The following PDGFC variants were observed in gnomAD, a reference collection of about 807,000 sequenced individuals.
PDGFC encodes platelet-derived growth factor C.
Under a neutral mutation model 35.5 loss-of-function variants are expected in PDGFC, and 12 were observed. The observed-to-expected ratio is 0.34, with a 90% CI of 0.22 to 0.55. PDGFC has a LOEUF of 0.55. Ranked by LOEUF, PDGFC falls within the 20% of genes least tolerant of loss-of-function variation. The pLI, the probability that PDGFC is intolerant of heterozygous loss-of-function variation, is 0.91. For synonymous variants in PDGFC, 159 were observed against 148.8 expected (o/e 1.07, Z -0.50); for missense variants, 322 against 412.4 (o/e 0.78, Z 1.90).
At chr4:156,923,059 T>A (rs1731324992) in intron 1 of PDGFC, among the ~76,000 whole-genome samples, 1 of 152,296 alleles carries the variant, frequency 6.6e-6, no homozygotes, top group South Asian at 2.1e-4. Context: ...TAAATCAGAT[T>A]GCTTTATTTC....
intron 2 of PDGFC, among the ~76,000 whole-genome samples, chr4:156,834,881 A>G (rs1023363607): frequency 1.3e-5 from 2 of 152,218 alleles, no homozygotes; most frequent in African/African-American, 4.8e-5. Context: ...TGCAATGAGC[A>G]ATTTTTCATG....
At chr4:156,785,355 C>T (rs967548646) in intron 3 of PDGFC, among the ~76,000 whole-genome samples, 1 of 152,124 alleles carries the variant, frequency 6.6e-6, no homozygotes, top group African/African-American at 2.4e-5. Flanking sequence ...GGGTCCGCCA[C>T]CACACCTGGC....
Position 156,815,456 on chromosome 4 carries a change from G to T in PDGFC, c.315-4439C>A, listed in dbSNP as rs75667740. Among the ~76,000 whole-genome samples, 980 of 151,990 alleles carry T rather than the reference G, an allele frequency of 6.4e-3. 15 individuals are homozygous for T. Among genetic ancestry groups the T allele is most frequent in the African/African-American group, 0.023 (946 of 41,450 alleles). The stretch of plus-strand genomic sequence containing the variant: ...AAAGAATAATGCATTAAATCAGGTC[G>T]TCTGCTTTAACAACTTGATATTTTT... On this transcript the variant is annotated intron_variant, in intron 2 of 5. Transcript: ENST00000502773.
intron 1 of PDGFC, among the ~76,000 whole-genome samples, chr4:156,867,340 A>C (rs1262309439): frequency 6.6e-6 from 1 of 152,218 alleles, no homozygotes; most frequent in Non-Finnish European, 1.5e-5. Flanking sequence ...TACCAGTGCA[A>C]TCTACGTGAA....
rs530118051 is a variant in PDGFC, at chr4:156,832,360, G to A, written c.314+17861C>T. Among the ~76,000 whole-genome samples, 303 of 150,374 alleles carry A rather than the reference G, an allele frequency of 2.0e-3. 1 individual carries two copies. Among genetic ancestry groups the A allele is most frequent in the African/African-American group, 7.0e-3 (285 of 40,900 alleles). ...CAATCTCCGCCTCTCGGGTTCAAGC[G>A]ATTCTCCTGCCTCAGCCTCCTGAGT... On this transcript the variant is annotated intron_variant, in intron 2 of 5. Coordinates refer to ENST00000502773, the MANE Select transcript of PDGFC (RefSeq NM_016205.3).
intron 1 of PDGFC, among the ~76,000 whole-genome samples, chr4:156,924,223 T>TG (rs2110852491): frequency 6.6e-6 from 1 of 152,306 alleles, no homozygotes; most frequent in African/African-American, 2.4e-5. Flanking sequence ...TGTTTATTCG[T>TG]GGGCAGCCGA....
At chr4:156,911,542 GA>G (rs1731040765) in intron 1 of PDGFC, among the ~76,000 whole-genome samples, 1 of 151,868 alleles carries the variant, frequency 6.6e-6, no homozygotes, top group Non-Finnish European at 1.5e-5. Context: ...ATATATACTA[GA>G]CTTTATGCTA....
At chr4:156,873,095 C>T (rs977911388) in intron 1 of PDGFC, among the ~76,000 whole-genome samples, 6 of 152,152 alleles carry the variant, frequency 3.9e-5, no homozygotes, top group African/African-American at 7.2e-5. Flanking sequence ...TGCACCACTG[C>T]CGGGACTACA....
intron 1 of PDGFC, among the ~76,000 whole-genome samples, chr4:156,947,191 C>T (rs1157293444): frequency 6.6e-6 from 1 of 151,972 alleles, no homozygotes; most frequent in Non-Finnish European, 1.5e-5. Context: ...CGCACACAAG[C>T]CCTCTGCCCA....
In PDGFC at chr4:156,810,978, A is replaced by C; in HGVS notation, c.354T>G (p.Thr118=). The C allele has an allele frequency of 6.3e-7, 1 of 1,595,908 alleles. No individual in the cohort carries two copies. The highest frequency in any genetic ancestry group is 8.5e-7 in the Non-Finnish European group (1 of 1,172,672). ...FVEVEEPSDG[T]ILGRWCGSGT... is the part of the protein sequence containing the mutation. ...CAGAACCACACCAGCGCCCTAATATAGTTCCATCACTGGGTTCCTCAACTT... is the reference window on the plus strand; with the variant it reads ...CAGAACCACACCAGCGCCCTAATATCGTTCCATCACTGGGTTCCTCAACTT... The change falls in exon 3 of 6, where the codon ACT becomes ACG. Residue 118 remains threonine, a synonymous_variant. Coordinates refer to ENST00000502773, the MANE Select transcript of PDGFC (RefSeq NM_016205.3).
At chr4:156,794,686 A>G (rs1400969312) in intron 3 of PDGFC, among the ~76,000 whole-genome samples, 1 of 152,068 alleles carries the variant, frequency 6.6e-6, no homozygotes, top group Non-Finnish European at 1.5e-5. Flanking sequence ...TTCTAGTAGA[A>G]CACTCACTCC....
chr4:156,762,839 A>G lies in PDGFC; in HGVS notation c.*251T>C, dbSNP rs1730413680. The G allele has an allele frequency of 2.5e-6, 1 of 394,776 alleles. No individual in the cohort carries two copies. Among genetic ancestry groups the G allele is most frequent in the East Asian group, 3.9e-5 (1 of 25,376 alleles). The allele number at this position is 394,776 out of a possible 1,614,324, so 24.5% of individuals were successfully genotyped here. A position where few individuals can be genotyped will look rare whatever the true frequency, so the allele number is the denominator to read the frequency against. ...GAAACTAGCTGGTGATCTATTTAAT[A>G]CAACATTTAATTTTCTTTCCACGAT... On this transcript the variant is annotated 3_prime_UTR_variant, in exon 6 of 6. Coordinates refer to ENST00000502773, the MANE Select transcript of PDGFC (RefSeq NM_016205.3).
At chr4:156,817,162 C>T (rs1217615140) in intron 2 of PDGFC, among the ~76,000 whole-genome samples, 1 of 151,610 alleles carries the variant, frequency 6.6e-6, no homozygotes, top group Non-Finnish European at 1.5e-5. Context: ...TAAAAAAAAA[C>T]TACAAATATA....
At chr4:156,881,920 T>G (rs1408949394) in intron 1 of PDGFC, among the ~76,000 whole-genome samples, 1 of 151,906 alleles carries the variant, frequency 6.6e-6, no homozygotes, top group African/African-American at 2.4e-5. Flanking sequence ...TACTCCTGCT[T>G]GCCTTCTGCC....
chr4:156,827,051 GA>G (rs1479238534), intron 2 of PDGFC, among the ~76,000 whole-genome samples: 1 of 152,058 alleles, frequency 6.6e-6, no homozygotes, highest in African/African-American at 2.4e-5. Context: ...AATGCATCTG[GA>G]AAAATACTCT....
chr4:156,951,134 G>A (rs2110938000), intron 1 of PDGFC, among the ~76,000 whole-genome samples: 1 of 151,972 alleles, frequency 6.6e-6, no homozygotes, highest in South Asian at 2.1e-4. Context: ...CAAGGTTCTA[G>A]ATCCTGAAGA....
chr4:156,763,363 CAAA>C (rs33986749), intron 5 of PDGFC, among the ~76,000 whole-genome samples, 157 bp from the exon 6 acceptor site: 15 of 97,134 alleles, frequency 1.5e-4, no homozygotes, highest in African/African-American at 3.5e-4. Flanking sequence ...ACTCTCCCAC[CAAA>C]AAAAAAAAAA....
rs1731523420 is a variant in PDGFC, at chr4:156,930,429, G to A, written c.118+40357C>T. 2.0e-5 allele frequency among the ~76,000 whole-genome samples: 3 copies of A among 152,176 alleles called. No individual in the cohort carries two copies. In the South Asian group the frequency reaches 6.2e-4, roughly 32 times the overall value. ...ATCCTAATATCACATTTTTTGGCGG[G>A]GACCAATGTGGAGAATGAATTGTTT... On this transcript the variant is annotated intron_variant, in intron 1 of 5. Transcript: ENST00000502773.
intron 2 of PDGFC, among the ~76,000 whole-genome samples, chr4:156,817,035 C>G (rs1470954681): frequency 1.3e-5 from 2 of 152,138 alleles, no homozygotes; most frequent in Non-Finnish European, 2.9e-5. Context: ...GCATGCTTCA[C>G]AGGACTCACA....
Sources: allele counts gnomAD v4.1 joint callset (sites outside exome capture counted in the v4.1 genomes callset), GRCh38; gene constraint gnomAD v4.1.1; transcripts MANE v1.5; gene names NCBI Gene and HGNC (gene_info 2026-07-23, HGNC 2026-07-21).